Variants in CWC27 observed in about 807,000 individuals in gnomAD.
CWC27 encodes the protein spliceosome-associated protein CWC27 homolog.
Under a neutral mutation model 63.6 loss-of-function variants are expected in CWC27, and 47 were observed. That is an observed-to-expected ratio of 0.74 (90% CI 0.58 to 0.94). CWC27 has a LOEUF of 0.94. CWC27 is among the 40% of genes least tolerant of loss of function. CWC27 has a pLI of 0.00. For synonymous variants in CWC27, 175 were observed against 179.8 expected (o/e 0.97, Z 0.22); for missense variants, 495 against 554.3 (o/e 0.89, Z 1.07).
At chr5:64,902,408 A>G (rs902286460) in intron 11 of CWC27, among the ~76,000 whole-genome samples, 1 of 152,218 alleles carries the variant, frequency 6.6e-6, no homozygotes, top group African/African-American at 2.4e-5. Context: ...ACTGTAGTGC[A>G]AAGTATGGAT....
chr5:64,882,598 G>A (rs530367694), intron 10 of CWC27, among the ~76,000 whole-genome samples: 28 of 152,186 alleles, frequency 1.8e-4, no homozygotes, highest in African/African-American at 6.7e-4. Flanking sequence ...TGTTGTTGTT[G>A]TTGTTGTTGT....
rs1315959703 is a variant in CWC27 at position 64,933,164 on chromosome 5, A to G, written c.1043-38539A>G. Among the ~76,000 whole-genome samples, 5 of 152,308 alleles carry G rather than the reference A, an allele frequency of 3.3e-5. No individual in the cohort carries two copies. The East Asian group carries it at 9.6e-4, about 29-fold the overall frequency. Reference sequence around the variant, plus strand: ...CATTTTCAGATGGTGCTGATACTGCAGATCCAGTCTGGGTAACACACTCTG... The same window carrying G: ...CATTTTCAGATGGTGCTGATACTGCGGATCCAGTCTGGGTAACACACTCTG... On this transcript the variant is annotated intron_variant, in intron 11 of 13. Transcript: ENST00000381070.
At chr5:64,796,002 C>CGCGT (rs1554068556) in intron 7 of CWC27, among the ~76,000 whole-genome samples, 10 of 135,772 alleles carry the variant, frequency 7.4e-5, no homozygotes, top group Admixed American at 4.5e-4. Context: ...AGAAATTGTG[C>CGCGT]GTGTGTGTGT....
intron 10 of CWC27, among the ~76,000 whole-genome samples, chr5:64,870,747 T>C (rs1746650948): frequency 6.6e-6 from 1 of 152,140 alleles, no homozygotes; most frequent in African/African-American, 2.4e-5. Context: ...TTAAGTCATG[T>C]GATATTGCAT....
chr5:64,831,232 A>T (rs533535059), intron 10 of CWC27, among the ~76,000 whole-genome samples: 106 of 152,122 alleles, frequency 7.0e-4, no homozygotes, highest in African/African-American at 2.5e-3. Flanking sequence ...AATTTCTTGA[A>T]TTATAGAATT....
chr5:64,930,441 A>T (rs1245426159), intron 11 of CWC27, among the ~76,000 whole-genome samples: 1 of 152,166 alleles, frequency 6.6e-6, no homozygotes, highest in African/African-American at 2.4e-5. Context: ...AATAAAAAAA[A>T]TTTGAACTAT....
chr5:64,929,342 A>T (rs1046999482), intron 11 of CWC27, among the ~76,000 whole-genome samples: 1 of 152,048 alleles, frequency 6.6e-6, no homozygotes, highest in Non-Finnish European at 1.5e-5. Flanking sequence ...CCAAGACCAG[A>T]CCACCTGTTC....
chr5:64,953,995 T>G (rs1320889064), intron 11 of CWC27, among the ~76,000 whole-genome samples: 1 of 152,220 alleles, frequency 6.6e-6, no homozygotes, highest in Non-Finnish European at 1.5e-5. Flanking sequence ...AAAAAATTCC[T>G]TTCCTTTTTT....
At chr5:64,996,363 A>G (rs1421573047) in intron 13 of CWC27, among the ~76,000 whole-genome samples, 1 of 152,178 alleles carries the variant, frequency 6.6e-6, no homozygotes, top group Non-Finnish European at 1.5e-5. Flanking sequence ...CATTCAGGTA[A>G]TCAAGTTAAA....
intron 13 of CWC27, among the ~76,000 whole-genome samples, chr5:64,990,243 T>TAGATGTCATCC (rs1561181395): frequency 1.3e-4 from 13 of 99,920 alleles, no homozygotes; most frequent in South Asian, 3.3e-4. Flanking sequence ...TTTATTTGTT[T>TAGATGTCATCC]TTTTTTTGTT....
chr5:64,862,940 T>G (rs2112313593), intron 10 of CWC27, among the ~76,000 whole-genome samples: 1 of 152,248 alleles, frequency 6.6e-6, no homozygotes. Context: ...TCTGGGATTT[T>G]TTATAAGAGC....
intron 10 of CWC27, chr5:64,807,906 A>G: frequency 1.4e-6 from 2 of 1,442,700 alleles, no homozygotes; most frequent in South Asian, 1.5e-5. Context: ...CCTCCTTCCT[A>G]TTTATTTCTA....
chr5:64,822,488 G>A (rs1168709640), intron 10 of CWC27, among the ~76,000 whole-genome samples: 1 of 152,168 alleles, frequency 6.6e-6, no homozygotes, highest in African/African-American at 2.4e-5. Flanking sequence ...GTTTGAATAA[G>A]AGGAAATGGG....
chr5:64,933,561 C>T (rs1179347697), intron 11 of CWC27, among the ~76,000 whole-genome samples: 3 of 149,272 alleles, frequency 2.0e-5, no homozygotes, highest in Non-Finnish European at 3.0e-5. Flanking sequence ...GGCGCGATCT[C>T]GGCTCGCTGC....
At chr5:65,015,148 T>G (rs1750028832) in intron 13 of CWC27, among the ~76,000 whole-genome samples, 1 of 152,206 alleles carries the variant, frequency 6.6e-6, no homozygotes, top group Admixed American at 6.5e-5. Flanking sequence ...CTAGAGTTCA[T>G]TTTTTATACC....
In CWC27 at chr5:64,885,498, CA is replaced by C. The variant is rs752159903; in HGVS notation, c.1002del (p.Val335Ter). 30 of 1,606,528 alleles carry C rather than the reference CA, an allele frequency of 1.9e-5. No individual in the cohort carries two copies. The highest frequency in any genetic ancestry group is 6.7e-5 in the South Asian group (6 of 89,640). On this transcript the variant is annotated frameshift_variant, in exon 11 of 14. Coordinates refer to ENST00000381070, the MANE Select transcript of CWC27 (RefSeq NM_005869.4). LOFTEE classifies it high-confidence loss of function. ...QLKRELLAAK[Q>X]KKVENAAKQA... Reference sequence around the variant, plus strand: ...AAAACGGGAACTCTTAGCAGCAAAACAAAAAAAAGTAGAAAATGCAGCAAAA... The same window carrying C: ...AAAACGGGAACTCTTAGCAGCAAAACAAAAAAAGTAGAAAATGCAGCAAAA...
At chr5:64,840,383 AAAAAAAAAAAAATATATATAT>A (rs1444722291) in intron 10 of CWC27, among the ~76,000 whole-genome samples, 2 of 72,064 alleles carry the variant, frequency 2.8e-5, no homozygotes, top group African/African-American at 1.3e-4. Flanking sequence ...AAAAAAAAAA[AAAAAAAAAAAAATATATATAT>A]ATATATATAT....
At chr5:64,959,693 GCTAAGGGCCCTAAGGCC>G in intron 11 of CWC27, among the ~76,000 whole-genome samples, 1 of 152,186 alleles carries the variant, frequency 6.6e-6, no homozygotes, top group South Asian at 2.1e-4. Flanking sequence ...GTATTTGTAT[GCTAAGGGCCCTAAGGCC>G]CTACAAGTCC....
At chr5:64,963,204 A>G (rs1405713795) in intron 11 of CWC27, among the ~76,000 whole-genome samples, 1 of 152,078 alleles carries the variant, frequency 6.6e-6, no homozygotes, top group East Asian at 1.9e-4. Flanking sequence ...TCAGACAATC[A>G]GCCCGCCTCC....
Sources: allele counts gnomAD v4.1 joint callset (sites outside exome capture counted in the v4.1 genomes callset), GRCh38; gene constraint gnomAD v4.1.1; transcripts MANE v1.5; gene names NCBI Gene and HGNC (gene_info 2026-07-23, HGNC 2026-07-21).